PSMD14: variants seen among roughly 807,000 people sequenced by gnomAD.
PSMD14 encodes the protein ubiquitin C-terminal hydrolase PSMD14.
PSMD14 carries 7 observed loss-of-function variants against 41.2 expected under a neutral mutation model. The observed-to-expected ratio is 0.17, with a 90% CI of 0.10 to 0.32. PSMD14 has a LOEUF of 0.32. Ranked by LOEUF, PSMD14 falls within the 10% of genes least tolerant of loss-of-function variation. The pLI, the probability that PSMD14 is intolerant of heterozygous loss-of-function variation, is 1.00. For synonymous variants in PSMD14, 114 were observed against 122.3 expected (o/e 0.93, Z 0.45); for missense variants, 139 against 375.6 (o/e 0.37, Z 5.21).
intron 6 of PSMD14, 79 bp from the exon 7 acceptor site, chr2:161,371,093 G>A (rs1423319585): frequency 1.3e-5 from 19 of 1,448,914 alleles, no homozygotes; most frequent in South Asian, 2.6e-5. Context: ...TTTATACCCC[G>A]TTAGTGTGTT....
chr2:161,373,679 A>G (rs1206925094), intron 7 of PSMD14, among the ~76,000 whole-genome samples: 1 of 151,994 alleles, frequency 6.6e-6, no homozygotes, highest in Non-Finnish European at 1.5e-5. Flanking sequence ...ATGACATTTT[A>G]TATATAAATG....
chr2:161,313,611 A>C (rs1195865940), intron 1 of PSMD14, among the ~76,000 whole-genome samples: 1 of 152,218 alleles, frequency 6.6e-6, no homozygotes, highest in Admixed American at 6.5e-5. Context: ...TGGCCTCCCA[A>C]ATTGCTGGGA....
chr2:161,332,282 T>C (rs1055301341), intron 3 of PSMD14, among the ~76,000 whole-genome samples: 1 of 152,222 alleles, frequency 6.6e-6, no homozygotes, highest in African/African-American at 2.4e-5. Context: ...TAGTACAACT[T>C]TTAAAAGAAG....
intron 3 of PSMD14, among the ~76,000 whole-genome samples, chr2:161,351,533 C>T (rs941062009): frequency 6.6e-6 from 1 of 152,098 alleles, no homozygotes; most frequent in African/African-American, 2.4e-5. Context: ...GCCCTTTGCC[C>T]CCATTGTGTA....
intron 3 of PSMD14, chr2:161,341,042 T>C (rs1228798134): frequency 6.2e-7 from 1 of 1,600,330 alleles, no homozygotes. Flanking sequence ...CGGGATCCCC[T>C]GGCCCTTCGG....
intron 3 of PSMD14, among the ~76,000 whole-genome samples, chr2:161,328,253 CAAAA>C (rs1179674754): frequency 1.3e-5 from 2 of 151,824 alleles, no homozygotes; most frequent in Non-Finnish European, 2.9e-5. Context: ...TTAAAAATTG[CAAAA>C]TATTTAAATG....
At chr2:161,405,391 A>G (rs1470840035) in intron 10 of PSMD14, among the ~76,000 whole-genome samples, 1 of 152,198 alleles carries the variant, frequency 6.6e-6, no homozygotes, top group Non-Finnish European at 1.5e-5. Flanking sequence ...TATGTTTTAC[A>G]CTGCATTATG....
chr2:161,331,680 C>T (rs1321538103), intron 3 of PSMD14, among the ~76,000 whole-genome samples: 1 of 152,074 alleles, frequency 6.6e-6, no homozygotes, highest in East Asian at 1.9e-4. Context: ...TAGGGAATGT[C>T]ATTGTAACAT....
chr2:161,410,644 G>A (rs1393972235), intron 11 of PSMD14, among the ~76,000 whole-genome samples: 1 of 151,934 alleles, frequency 6.6e-6, no homozygotes, highest in African/African-American at 2.4e-5. Context: ...TTAAAGGATT[G>A]CACCTGTATA....
At chr2:161,391,242 C>G (rs1213118021) in intron 9 of PSMD14, 64 bp downstream of exon 9, 27 of 1,410,536 alleles carry the variant, frequency 1.9e-5, no homozygotes, top group Non-Finnish European at 2.5e-5. Context: ...AAACTATTAC[C>G]TGGTATGTGA....
At chr2:161,357,317 A>G (rs1225074519) in intron 3 of PSMD14, among the ~76,000 whole-genome samples, 1 of 152,108 alleles carries the variant, frequency 6.6e-6, no homozygotes, top group African/African-American at 2.4e-5. Context: ...CAGGTTTTAT[A>G]TCATTGGTTG....
At chr2:161,355,849 T>C (rs1347668516) in intron 3 of PSMD14, among the ~76,000 whole-genome samples, 1 of 152,218 alleles carries the variant, frequency 6.6e-6, no homozygotes, top group Non-Finnish European at 1.5e-5. Context: ...GAAATGTAAA[T>C]GGAAACCCTA....
At chr2:161,322,478 C>T (rs942272982) in intron 3 of PSMD14, among the ~76,000 whole-genome samples, 1 of 152,168 alleles carries the variant, frequency 6.6e-6, no homozygotes, top group African/African-American at 2.4e-5. Flanking sequence ...CAGTCTCGCC[C>T]TCCTGGATTC....
At chr2:161,344,942 C>T (rs1217949985) in intron 3 of PSMD14, among the ~76,000 whole-genome samples, 1 of 152,186 alleles carries the variant, frequency 6.6e-6, no homozygotes, top group Non-Finnish European at 1.5e-5. Flanking sequence ...CTTTTGATAT[C>T]ATGCTAAGAA....
chr2:161,368,983 A>T (rs1379307482), intron 5 of PSMD14, among the ~76,000 whole-genome samples: 1 of 151,984 alleles, frequency 6.6e-6, no homozygotes, highest in Non-Finnish European at 1.5e-5. Flanking sequence ...CCATCTTGAT[A>T]TCCATTATAT....
At chr2:161,321,525 T>G (rs955282914) in intron 3 of PSMD14, among the ~76,000 whole-genome samples, 3 of 152,138 alleles carry the variant, frequency 2.0e-5, no homozygotes, top group Non-Finnish European at 4.4e-5. Flanking sequence ...GCGGTTACTG[T>G]CAGACTCTGC....
intron 3 of PSMD14, among the ~76,000 whole-genome samples, chr2:161,359,536 T>G (rs967226914): frequency 2.6e-5 from 4 of 152,186 alleles, no homozygotes; most frequent in African/African-American, 9.6e-5. Context: ...AGGCATATTT[T>G]AATTTTCATA....
intron 5 of PSMD14, 56 bp from the exon 6 acceptor site, chr2:161,370,051 G>A: frequency 3.0e-6 from 4 of 1,340,574 alleles, no homozygotes; most frequent in Non-Finnish European, 4.1e-6. Flanking sequence ...TATACATAGG[G>A]AAGCTTTTTT....
chr2:161,354,494 G>A (rs1683166120), intron 3 of PSMD14, among the ~76,000 whole-genome samples: 1 of 37,302 alleles, frequency 2.7e-5, no homozygotes, highest in South Asian at 9.1e-4. Context: ...AGGTAGTCGA[G>A]CATTGTGCTT....
Sources: allele counts gnomAD v4.1 joint callset (sites outside exome capture counted in the v4.1 genomes callset), GRCh38; gene constraint gnomAD v4.1.1; transcripts MANE v1.5; gene names NCBI Gene and HGNC (gene_info 2026-07-23, HGNC 2026-07-21).